EVL: variants seen among roughly 807,000 people sequenced by gnomAD.
EVL encodes the protein ena/VASP-like protein.
A neutral mutation model predicts 59.6 loss-of-function variants in EVL; 21 were observed. The ratio of observed to expected loss-of-function variants is 0.35; its 90% CI spans 0.25 to 0.51. EVL has a LOEUF of 0.51. Among genes scored for constraint, EVL ranks in the 20% least tolerant of loss-of-function variants. EVL has a pLI of 0.97. For synonymous variants in EVL, 198 were observed against 203.5 expected, an observed-to-expected ratio of 0.97 and a Z score of 0.23; for missense variants, 462 against 546.6, an observed-to-expected ratio of 0.85 and a Z score of 1.54.
intron 1 of EVL, chr14:100,066,606 G>A (rs915461972): frequency 6.6e-6 from 1 of 152,172 alleles, no homozygotes; most frequent in African/African-American, 2.4e-5. Context: ...TAGAGGACTC[G>A]TGAGTGGAGC....
At chr14:100,078,419 C>CA (rs2062213555) in intron 1 of EVL, among the ~76,000 whole-genome samples, 1 of 152,136 alleles carries the variant, frequency 6.6e-6, no homozygotes, top group South Asian at 2.1e-4. Context: ...GAGGACATAG[C>CA]AGTGCCTGGC....
chr14:100,092,764 T>G (rs2062592170), intron 2 of EVL, among the ~76,000 whole-genome samples: 1 of 151,980 alleles, frequency 6.6e-6, no homozygotes, highest in Non-Finnish European at 1.5e-5. Flanking sequence ...ACAAAAAGAA[T>G]GAAATATGGA....
chr14:100,019,059 C>T (rs1474127541), intron 1 of EVL, among the ~76,000 whole-genome samples: 8 of 152,246 alleles, frequency 5.3e-5, no homozygotes, highest in East Asian at 3.9e-4. Flanking sequence ...ACATAAAATG[C>T]GACTTGTGAT....
intron 3 of EVL, among the ~76,000 whole-genome samples, chr14:100,099,462 A>G (rs1381674010): frequency 2.0e-5 from 3 of 152,186 alleles, no homozygotes; most frequent in African/African-American, 7.2e-5. Context: ...CATGCTTCCC[A>G]TGGGTCGTGC....
At chr14:100,007,289 A>G (rs950649410) in intron 1 of EVL, among the ~76,000 whole-genome samples, 9 of 152,082 alleles carry the variant, frequency 5.9e-5, no homozygotes, top group African/African-American at 1.4e-4. Context: ...GGTGAGAGAC[A>G]AATGGTTGCA....
chr14:100,085,179 A>T (rs960926811), intron 2 of EVL: 14 of 205,262 alleles, frequency 6.8e-5, no homozygotes, highest in African/African-American at 3.2e-4. Flanking sequence ...AAATGTGTTC[A>T]TCTTATTCAT....
At chr14:100,135,684 C>G (rs1293796896) in intron 8 of EVL, 1 of 527,622 alleles carries the variant, frequency 1.9e-6, no homozygotes, top group Non-Finnish European at 3.4e-6. Context: ...CCTGTAGCTC[C>G]CTGTAGCCTT....
chr14:99,971,862 T>G (rs2060735081), exon 1 of EVL: 1 of 145,344 alleles, frequency 6.9e-6, no homozygotes. Context: ...CCGCGGCCCT[T>G]CCCCGCAGCT....
At chr14:100,121,937 T>C (rs1216686603) in intron 3 of EVL, among the ~76,000 whole-genome samples, 1 of 152,178 alleles carries the variant, frequency 6.6e-6, no homozygotes, top group Admixed American at 6.5e-5. Context: ...GGACAGGGAC[T>C]CAGCTCCCAG....
At chr14:100,105,125 C>T (rs1002190079) in intron 3 of EVL, among the ~76,000 whole-genome samples, 1 of 152,012 alleles carries the variant, frequency 6.6e-6, no homozygotes, top group African/African-American at 2.4e-5. Context: ...TGCATGTTTA[C>T]TCAATCATGC....
At chr14:100,100,020 A>AG (rs1886105366) in intron 3 of EVL, among the ~76,000 whole-genome samples, 1 of 151,630 alleles carries the variant, frequency 6.6e-6, no homozygotes, top group African/African-American at 2.4e-5. Flanking sequence ...AAAAAAAAAA[A>AG]ACACTTTCAG....
chr14:100,007,638 T>C (rs1172494275), intron 1 of EVL, among the ~76,000 whole-genome samples: 4 of 152,256 alleles, frequency 2.6e-5, no homozygotes, highest in African/African-American at 9.6e-5. Flanking sequence ...ATCTCAGAAG[T>C]AGCCAAAGAC....
intron 1 of EVL, among the ~76,000 whole-genome samples, chr14:100,013,750 T>C (rs1181531990): frequency 1.3e-5 from 2 of 152,246 alleles, no homozygotes; most frequent in Non-Finnish European, 2.9e-5. Flanking sequence ...TGCAGGGCCA[T>C]GCCGAGGGGC....
At chr14:100,136,185 C>A (rs1888774819) in intron 9 of EVL, among the ~76,000 whole-genome samples, 1 of 152,226 alleles carries the variant, frequency 6.6e-6, no homozygotes, top group Non-Finnish European at 1.5e-5. Flanking sequence ...GTGATGGGTC[C>A]CCAGGGTGAC....
chr14:100,056,329 T>C (rs1415218733), intron 1 of EVL, among the ~76,000 whole-genome samples: 1 of 152,138 alleles, frequency 6.6e-6, no homozygotes, highest in East Asian at 1.9e-4. Flanking sequence ...TTTCTCATCT[T>C]TGCCTCTTCT....
At chr14:100,012,350 G>A (rs1387213749) in intron 1 of EVL, among the ~76,000 whole-genome samples, 1 of 152,126 alleles carries the variant, frequency 6.6e-6, no homozygotes. Flanking sequence ...TAACAGTGCT[G>A]GTCACATGGC....
intron 3 of EVL, among the ~76,000 whole-genome samples, 193 bp from the exon 4 acceptor site, chr14:100,123,344 TGA>T (rs926343710): frequency 1.3e-5 from 2 of 152,038 alleles, no homozygotes; most frequent in African/African-American, 4.8e-5. Flanking sequence ...TGAAGAGCCG[TGA>T]GAGAGAGAGG....
intron 2 of EVL, among the ~76,000 whole-genome samples, chr14:100,095,460 T>C (rs1885743086): frequency 6.6e-6 from 1 of 152,234 alleles, no homozygotes; most frequent in African/African-American, 2.4e-5. Flanking sequence ...AACAGTTAAC[T>C]TTGCTGGTTC....
At chr14:100,018,612 T>C (rs1206825242) in intron 1 of EVL, among the ~76,000 whole-genome samples, 1 of 152,184 alleles carries the variant, frequency 6.6e-6, no homozygotes, top group East Asian at 1.9e-4. Context: ...ACACCCAGGC[T>C]GCGTGAGCGG....
Sources: gnomAD v4.1 joint callset for allele counts (sites outside exome capture counted in the v4.1 genomes callset) on GRCh38, gnomAD v4.1.1 for gene constraint, MANE v1.5 for transcripts, NCBI Gene and HGNC (gene_info 2026-07-23, HGNC 2026-07-21) for gene names.